The following PDS5B variants were observed in gnomAD, a reference collection of about 807,000 sequenced individuals.
PDS5B encodes sister chromatid cohesion protein PDS5 homolog B.
In PDS5B, 51 loss-of-function variants were observed where a neutral mutation model predicts 184.1. That is an observed-to-expected ratio of 0.28 (90% CI 0.22 to 0.35). The LOEUF (loss-of-function observed/expected upper bound fraction) is 0.35. Among genes scored for constraint, PDS5B ranks in the 10% least tolerant of loss-of-function variants. The pLI is 1.00. For synonymous variants in PDS5B, 566 were observed against 569.2 expected, an observed-to-expected ratio of 0.99 and a Z score of 0.08; for missense variants, 1,180 against 1,723.3, an observed-to-expected ratio of 0.68 and a Z score of 5.58.
intron 17 of PDS5B, among the ~76,000 whole-genome samples, chr13:32,705,554 T>C (rs1482465413): frequency 6.6e-6 from 1 of 152,224 alleles, no homozygotes; most frequent in Non-Finnish European, 1.5e-5. Context: ...TTAAGGAACA[T>C]TGAATAATTG....
chr13:32,597,075 C>T lies in PDS5B; in HGVS notation c.-20+10482C>T, dbSNP rs180683041. On this transcript the variant is annotated intron_variant, in intron 1 of 34. Coordinates refer to ENST00000315596, the MANE Select transcript of PDS5B (RefSeq NM_015032.4). ...TTTTTTGAGACAGCGTCTCACTCTC[C>T]CAGGCTAGAGTTTAGTGGCGCCATC... 2.4e-3 allele frequency among the ~76,000 whole-genome samples: 366 copies of T among 152,008 alleles called. 5 individuals carry two copies. The highest frequency in any genetic ancestry group is 8.1e-3 in the African/African-American group (335 of 41,400).
chr13:32,704,478 G>GTCCTTTTTA (rs1250279180), intron 17 of PDS5B, among the ~76,000 whole-genome samples: 3 of 152,174 alleles, frequency 2.0e-5, no homozygotes, highest in Non-Finnish European at 4.4e-5. Flanking sequence ...CCTTGACCCA[G>GTCCTTTTTA]TCCTTTTTAC....
chr13:32,760,448 T>G, intron 29 of PDS5B, 127 bp from the exon 30 acceptor site: 1 of 817,058 alleles, frequency 1.2e-6, no homozygotes, highest in Non-Finnish European at 1.9e-6. Context: ...TTACTTTGCT[T>G]AAGGATAGAC....
At chr13:32,759,891 A>G in intron 29 of PDS5B, among the ~76,000 whole-genome samples, 1 of 152,166 alleles carries the variant, frequency 6.6e-6, no homozygotes, top group East Asian at 1.9e-4. Context: ...ATTACTTTTT[A>G]GCTTGTAATA....
Position 32,655,374 on chromosome 13 carries a change from A to T in PDS5B, c.313-2865A>T, listed in dbSNP as rs113989643. 2.6e-3 allele frequency among the ~76,000 whole-genome samples: 191 copies of T among 72,472 alleles called. 9 individuals are homozygous for T. Among genetic ancestry groups the T allele is most frequent in the African/African-American group, 0.011 (133 of 12,092 alleles). 47.5% of individuals were successfully genotyped at this position (72,472 alleles called of 152,430 possible). A position where few individuals can be genotyped will look rare whatever the true frequency, so the allele number is the denominator to read the frequency against. On this transcript the variant is annotated intron_variant, in intron 3 of 34. Coordinates refer to ENST00000315596, the MANE Select transcript of PDS5B (RefSeq NM_015032.4). Reference sequence around the variant, plus strand: ...TGTTCTTTGCCATATATATATATATATTTTTTTTTTTTTTTTTTTTTTTAG... The same window carrying T: ...TGTTCTTTGCCATATATATATATATTTTTTTTTTTTTTTTTTTTTTTTTAG...
chr13:32,665,634 ACCTC>A (rs1555298453), intron 6 of PDS5B, among the ~76,000 whole-genome samples: 145 of 149,762 alleles, frequency 9.7e-4, no homozygotes, highest in Non-Finnish European at 1.7e-3. Flanking sequence ...CATCTTTACA[ACCTC>A]AAGATAGGAA....
intron 27 of PDS5B, 133 bp downstream of exon 27, chr13:32,758,352 TAGC>T: frequency 3.2e-6 from 3 of 945,454 alleles, no homozygotes; most frequent in Non-Finnish European, 4.6e-6. Context: ...TACGTAGAAT[TAGC>T]AGTAATTTTA....
chr13:32,608,806 G>T (rs945660398), intron 1 of PDS5B, among the ~76,000 whole-genome samples: 1 of 152,196 alleles, frequency 6.6e-6, no homozygotes, highest in African/African-American at 2.4e-5. Context: ...GGCACTGGAG[G>T]AGCTGTGAGC....
At position 32,764,457 on chromosome 13, in the gene PDS5B, G is replaced by A. The variant is rs1023856419; in HGVS notation, c.3519-32G>A. 3.9e-6 allele frequency: 5 copies of A among 1,290,322 alleles called. No homozygotes were observed. In the African/African-American group the frequency reaches 7.6e-5, roughly 20 times the overall value. 79.9% of individuals were successfully genotyped at this position (1,290,322 alleles called of 1,614,324 possible). ...AAAAAGCTTGTAAGGTTATTTGATT[G>A]TAATAACAATTACAAATGTCTGTAT... On this transcript the variant is annotated intron_variant, in intron 30 of 34. Transcript: ENST00000315596.
chr13:32,717,710 AT>A (rs2140914251), intron 19 of PDS5B, among the ~76,000 whole-genome samples: 1 of 147,658 alleles, frequency 6.8e-6, no homozygotes, highest in South Asian at 2.1e-4. Context: ...AAATAAATAA[AT>A]CAATAAATTA....
At chr13:32,653,572 C>G (rs1566288091) in intron 3 of PDS5B, among the ~76,000 whole-genome samples, 1 of 151,956 alleles carries the variant, frequency 6.6e-6, no homozygotes, top group Non-Finnish European at 1.5e-5. Context: ...TTTGGGCATG[C>G]TTGTTTTAAA....
chr13:32,604,881 C>G (rs2140492525), intron 1 of PDS5B, among the ~76,000 whole-genome samples: 1 of 152,332 alleles, frequency 6.6e-6, no homozygotes, highest in East Asian at 1.9e-4. Context: ...ATAGTATTCT[C>G]TGATGGTAGT....
intron 1 of PDS5B, among the ~76,000 whole-genome samples, chr13:32,593,753 C>T (rs572297331): frequency 1.3e-5 from 2 of 152,098 alleles, no homozygotes; most frequent in East Asian, 1.9e-4. Flanking sequence ...TCGTAAAGGT[C>T]GTCAGCCTTC....
At chr13:32,765,285 T>A (rs1209158063) in intron 31 of PDS5B, among the ~76,000 whole-genome samples, 1 of 152,234 alleles carries the variant, frequency 6.6e-6, no homozygotes. Context: ...CTTATCTGTA[T>A]GTAAATTATG....
chr13:32,691,898 T>C (rs1298053486), intron 13 of PDS5B, among the ~76,000 whole-genome samples: 1 of 152,144 alleles, frequency 6.6e-6, no homozygotes, highest in Admixed American at 6.6e-5. Flanking sequence ...TCAAATTTTC[T>C]TATCTTTAAT....
rs906113848 is a variant in PDS5B, at chr13:32,710,997, CT to C, written c.2123+902del. 6.5e-3 allele frequency among the ~76,000 whole-genome samples: 952 copies of C among 146,696 alleles called. 16 individuals carry two copies. The highest frequency in any genetic ancestry group is 0.022 in the African/African-American group (882 of 40,316). ...GGCATTATTATTATTTTCTTTTTTT[CT>C]TTTTTTTTTTGAGATGGAGCCTCAC... On this transcript the variant is annotated intron_variant, in intron 19 of 34. Transcript: ENST00000315596.
intron 1 of PDS5B, among the ~76,000 whole-genome samples, chr13:32,587,288 G>A (rs1370546387): frequency 1.3e-5 from 2 of 151,894 alleles, no homozygotes; most frequent in Admixed American, 6.5e-5. Flanking sequence ...CGCTCACCGC[G>A]CCACCCCGAG....
At position 32,707,106 on chromosome 13, in the gene PDS5B, T is replaced by A. The variant is rs1952046016; in HGVS notation, c.1962+67T>A. 4 of 819,314 alleles carry A rather than the reference T, an allele frequency of 4.9e-6. No individual in the cohort carries two copies. The East Asian group carries it at 1.1e-4, about 23-fold the overall frequency. 50.8% of individuals were successfully genotyped at this position (819,314 alleles called of 1,614,324 possible). On this transcript the variant is annotated intron_variant, in intron 18 of 34. Coordinates refer to ENST00000315596, the MANE Select transcript of PDS5B (RefSeq NM_015032.4). ...TTTAACATATACAGTTTATATTATTTGTTCTTGATGTTTTCTTCTTAAGTT... is the reference window on the plus strand; with the variant it reads ...TTTAACATATACAGTTTATATTATTAGTTCTTGATGTTTTCTTCTTAAGTT...
intron 10 of PDS5B, among the ~76,000 whole-genome samples, chr13:32,681,506 C>T (rs563962404): frequency 1.3e-5 from 2 of 152,050 alleles, no homozygotes; most frequent in South Asian, 4.1e-4. Flanking sequence ...CACCTGTAAT[C>T]GCAGCTACCC....
Sources: gnomAD v4.1 joint callset for allele counts (sites outside exome capture counted in the v4.1 genomes callset) on GRCh38, gnomAD v4.1.1 for gene constraint, MANE v1.5 for transcripts, NCBI Gene and HGNC (gene_info 2026-07-23, HGNC 2026-07-21) for gene names.